CHST11: variants seen among roughly 807,000 people sequenced by gnomAD.
CHST11 encodes the protein carbohydrate sulfotransferase 11, also known as C4S-1.
A neutral mutation model predicts 30.4 loss-of-function variants in CHST11; 9 were observed. That is an observed-to-expected ratio of 0.30 (90% CI 0.18 to 0.52). The LOEUF is 0.52. CHST11 is among the 20% of genes least tolerant of loss of function. The probability of loss-of-function intolerance (pLI) is 0.97; values close to 1 mark genes in which losing one functional copy is unlikely to be tolerated. For synonymous variants in CHST11, 152 were observed against 187.8 expected (o/e 0.81, Z 1.56); for missense variants, 348 against 460.6 (o/e 0.76, Z 2.24).
rs1276716003 is a variant in CHST11 at position 104,458,177 on chromosome 12, C to A, written c.118+648C>A. On this transcript the variant is annotated intron_variant, in intron 1 of 2. Coordinates refer to ENST00000303694, the MANE Select transcript of CHST11 (RefSeq NM_018413.6). This position sits in a 1 kb window ranked among gnomAD's most constrained non-coding sequence, Gnocchi z 5.7. ...CCACCACGCGCCGGCCGTTTGCCCC[C>A]GGGGTCCGGCTCCGCAGTGACCTTG... Among the ~76,000 whole-genome samples, 1 of 152,088 alleles carries A rather than the reference C, an allele frequency of 6.6e-6. No individual in the cohort carries two copies. Among genetic ancestry groups the A allele is most frequent in the Admixed American group, 6.5e-5 (1 of 15,282 alleles).
At position 104,729,793 on chromosome 12, in the gene CHST11, T is replaced by A. The variant is rs1325100057; in HGVS notation, c.205-27156T>A. On this transcript the variant is annotated intron_variant, in intron 2 of 2. Coordinates refer to ENST00000303694, the MANE Select transcript of CHST11 (RefSeq NM_018413.6). The surrounding 1 kb of genome is among the most constrained non-coding windows in gnomAD (Gnocchi z 4.0). The stretch of plus-strand genomic sequence containing the variant: ...GGGGCAGAGGTCTGCGGAGAGTAGG[T>A]TGGGTTTAGAAAAATGAAGAGGAGG... Among the ~76,000 whole-genome samples the A allele has an allele frequency of 6.6e-6, 1 of 151,604 alleles. No homozygotes were observed.
chr12:104,517,036 C>T (rs147052787), intron 1 of CHST11, among the ~76,000 whole-genome samples: 268 of 152,270 alleles, frequency 1.8e-3, no homozygotes, highest in African/African-American at 6.2e-3. Context: ...CTCTTTCCCC[C>T]CTTCCAAATC....
At chr12:104,490,165 G>A (rs2037731047) in intron 1 of CHST11, among the ~76,000 whole-genome samples, 1 of 152,218 alleles carries the variant, frequency 6.6e-6, no homozygotes, top group African/African-American at 2.4e-5. Context: ...CTGGGCCAGT[G>A]TACTCTGAAA....
chr12:104,635,733 G>T (rs2136070992), intron 2 of CHST11, among the ~76,000 whole-genome samples: 1 of 152,324 alleles, frequency 6.6e-6, no homozygotes, highest in South Asian at 2.1e-4. Context: ...ATCCAAAGAA[G>T]CAAATTAGGG....
intron 2 of CHST11, among the ~76,000 whole-genome samples, chr12:104,723,610 C>T (rs952741631): frequency 6.6e-6 from 1 of 152,210 alleles, no homozygotes; most frequent in African/African-American, 2.4e-5. Flanking sequence ...AGACATGCCC[C>T]TGGGAGGTGG....
chr12:104,638,013 T>C (rs1201912511), intron 2 of CHST11, among the ~76,000 whole-genome samples: 1 of 152,164 alleles, frequency 6.6e-6, no homozygotes, highest in East Asian at 1.9e-4. Context: ...GGTCCTGGCA[T>C]AGAGCAGGCT....
At chr12:104,513,670 C>T (rs186932966) in intron 1 of CHST11, among the ~76,000 whole-genome samples, 1 of 152,170 alleles carries the variant, frequency 6.6e-6, no homozygotes, top group Admixed American at 6.5e-5. Flanking sequence ...GGATGAGGCC[C>T]AGTGATCCTC....
intron 1 of CHST11, among the ~76,000 whole-genome samples, chr12:104,485,374 C>A (rs762936293): frequency 2.8e-4 from 43 of 152,214 alleles, no homozygotes; most frequent in Non-Finnish European, 5.0e-4. Context: ...TGTATTTGAT[C>A]TTAGAAAGTA....
intron 2 of CHST11, among the ~76,000 whole-genome samples, chr12:104,691,702 A>T (rs1270980719): frequency 6.6e-6 from 1 of 151,986 alleles, no homozygotes; most frequent in Admixed American, 6.6e-5. Context: ...GTTGGCCAGG[A>T]TGGTCTCGAT....
chr12:104,677,469 T>A (rs1447253420), intron 2 of CHST11, among the ~76,000 whole-genome samples: 1 of 152,206 alleles, frequency 6.6e-6, no homozygotes, highest in African/African-American at 2.4e-5. Context: ...ATCAAGGCAG[T>A]CTTTTGTGAC....
intron 2 of CHST11, among the ~76,000 whole-genome samples, chr12:104,632,281 AGTGGGGG>A (rs2039278646): frequency 6.6e-6 from 1 of 152,042 alleles, no homozygotes; most frequent in Admixed American, 6.5e-5. Flanking sequence ...GCAGAGGTGT[AGTGGGGG>A]GACTTCCATT....
At chr12:104,578,349 T>A (rs1287028142) in intron 1 of CHST11, among the ~76,000 whole-genome samples, 1 of 152,232 alleles carries the variant, frequency 6.6e-6, no homozygotes, top group African/African-American at 2.4e-5. Context: ...TAAGTTTTCC[T>A]GAATTGAATA....
intron 1 of CHST11, among the ~76,000 whole-genome samples, chr12:104,513,430 C>T (rs181898608): frequency 3.3e-5 from 5 of 152,084 alleles, no homozygotes; most frequent in South Asian, 2.1e-4. Flanking sequence ...CATTCCAGAA[C>T]GTTTGTGAAA....
chr12:104,756,260 T>A (rs2040473526), intron 2 of CHST11, among the ~76,000 whole-genome samples: 1 of 152,078 alleles, frequency 6.6e-6, no homozygotes, highest in South Asian at 2.1e-4. Flanking sequence ...GAGACGCAGG[T>A]GGTGGCAGAG....
At chr12:104,577,975 G>T (rs1396710892) in intron 1 of CHST11, among the ~76,000 whole-genome samples, 1 of 152,190 alleles carries the variant, frequency 6.6e-6, no homozygotes. Context: ...TATTTCTGTG[G>T]TTACCATGCA....
chr12:104,513,139 T>TGGGGGGG (rs1565969846), intron 1 of CHST11, among the ~76,000 whole-genome samples: 13 of 2,932 alleles, frequency 4.4e-3, no homozygotes, highest in African/African-American at 8.9e-3. Context: ...GGGGGGGGGT[T>TGGGGGGG]GGGGGTGGGG....
intron 1 of CHST11, among the ~76,000 whole-genome samples, chr12:104,521,554 G>T (rs2038073943): frequency 6.6e-6 from 1 of 152,188 alleles, no homozygotes. Flanking sequence ...GTCATAGAGA[G>T]CTAGCTCTCC....
intron 1 of CHST11, among the ~76,000 whole-genome samples, chr12:104,573,645 C>A (rs188154670): frequency 8.8e-4 from 134 of 152,332 alleles, no homozygotes; most frequent in African/African-American, 2.4e-3. Flanking sequence ...GCTGGGAAAA[C>A]TGGCTAGCCA....
chr12:104,693,837 G>A (rs1174871651), intron 2 of CHST11, among the ~76,000 whole-genome samples: 6 of 152,100 alleles, frequency 3.9e-5, no homozygotes, highest in East Asian at 1.9e-4. Context: ...CTCTGGGCTC[G>A]GGCACACCCC....
Sources: gnomAD v4.1 joint callset for allele counts (sites outside exome capture counted in the v4.1 genomes callset) on GRCh38, gnomAD v4.1.1 for gene constraint, Gnocchi (gnomAD v3.1) non-coding constraint, MANE v1.5 for transcripts, NCBI Gene and HGNC (gene_info 2026-07-23, HGNC 2026-07-21) for gene names.